RBFOX1: variants seen among roughly 807,000 people sequenced by gnomAD.
RBFOX1 encodes RNA binding fox-1 homolog 1.
In RBFOX1, 8 loss-of-function variants were observed where a neutral mutation model predicts 57.7. The observed-to-expected ratio is 0.14, with a 90% CI of 0.08 to 0.25. The LOEUF (loss-of-function observed/expected upper bound fraction) is 0.25. Ranked by LOEUF, RBFOX1 falls within the 10% of genes least tolerant of loss-of-function variation. The probability of loss-of-function intolerance (pLI) is 1.00; values close to 1 mark genes in which losing one functional copy is unlikely to be tolerated. For synonymous variants in RBFOX1, 326 were observed against 222.4 expected, an observed-to-expected ratio of 1.47 and a Z score of -4.15; for missense variants, 611 against 548.5, an observed-to-expected ratio of 1.11 and a Z score of -1.14.
intron 2 of RBFOX1, among the ~76,000 whole-genome samples, chr16:6,542,483 C>CTTTTTGTTTTTTTTTTTT (rs2096835148): frequency 1.8e-5 from 1 of 55,720 alleles, no homozygotes. Flanking sequence ...GGACCATAGT[C>CTTTTTGTTTTTTTTTTTT]TTTTTTTTTT....
chr16:7,540,796 T>C (rs988599253), intron 5 of RBFOX1, among the ~76,000 whole-genome samples: 13 of 152,210 alleles, frequency 8.5e-5, no homozygotes, highest in African/African-American at 3.1e-4. Context: ...GCTAGGCTTG[T>C]AGGAATGTTT....
intron 2 of RBFOX1, among the ~76,000 whole-genome samples, chr16:6,618,176 C>G (rs1349233099): frequency 1.3e-5 from 2 of 152,178 alleles, no homozygotes; most frequent in Admixed American, 6.5e-5. Context: ...TTGGGTCTGA[C>G]TCTCCAGTTC....
intron 4 of RBFOX1, among the ~76,000 whole-genome samples, chr16:5,928,099 T>A (rs1443670235): frequency 6.6e-6 from 1 of 152,170 alleles, no homozygotes; most frequent in Non-Finnish European, 1.5e-5. Context: ...TATTTATTTA[T>A]TTTTTATTTT....
At chr16:6,733,283 T>G (rs2069148262) in intron 3 of RBFOX1, among the ~76,000 whole-genome samples, 1 of 152,124 alleles carries the variant, frequency 6.6e-6, no homozygotes, top group Non-Finnish European at 1.5e-5. Context: ...GAAACAAATA[T>G]GACTTGGGAT....
chr16:5,741,744 A>G (rs933530633), intron 3 of RBFOX1, among the ~76,000 whole-genome samples: 23 of 152,240 alleles, frequency 1.5e-4, no homozygotes, highest in African/African-American at 4.8e-4. Context: ...AGCTTCCACA[A>G]GGACGTATTT....
At chr16:5,641,056 A>G (rs925831382) in intron 3 of RBFOX1, among the ~76,000 whole-genome samples, 1 of 151,022 alleles carries the variant, frequency 6.6e-6, no homozygotes, top group African/African-American at 2.5e-5. Context: ...ATATGCACAT[A>G]CACCCATGCA....
rs1225532333 is a variant in RBFOX1, at chr16:5,526,089, C to T, written c.258+58835C>T. On this transcript the variant is annotated intron_variant, in intron 2 of 2. Transcript: ENST00000585867. ...GCAGTGCATGTGTAGACAGTACCAGCCCCTCTCTTTTATTTTCTCAGCCTC... is the reference window on the plus strand; with the variant it reads ...GCAGTGCATGTGTAGACAGTACCAGTCCCTCTCTTTTATTTTCTCAGCCTC... Among the ~76,000 whole-genome samples, 3 of 151,966 alleles carry T rather than the reference C, an allele frequency of 2.0e-5. No homozygotes were observed. The South Asian group carries it at 6.2e-4, about 31-fold the overall frequency.
At chr16:7,595,135 G>C (rs560745312) in intron 7 of RBFOX1, among the ~76,000 whole-genome samples, 1 of 152,118 alleles carries the variant, frequency 6.6e-6, no homozygotes, top group Admixed American at 6.5e-5. Context: ...GTTGAATTTC[G>C]TGCACACGTT....
At chr16:7,365,073 C>A (rs755632015) in intron 4 of RBFOX1, among the ~76,000 whole-genome samples, 34 of 151,998 alleles carry the variant, frequency 2.2e-4, no homozygotes, top group Middle Eastern at 3.4e-3. Context: ...TATCATTCGT[C>A]TATCTATCTA....
chr16:6,823,247 TTTC>T (rs2091618161), intron 3 of RBFOX1, among the ~76,000 whole-genome samples: 1 of 151,766 alleles, frequency 6.6e-6, no homozygotes, highest in East Asian at 1.9e-4. Flanking sequence ...ATTGTTTTGT[TTTC>T]TTTTTTTTTT....
At chr16:7,320,762 C>G (rs902830974) in intron 4 of RBFOX1, among the ~76,000 whole-genome samples, 1 of 152,250 alleles carries the variant, frequency 6.6e-6, no homozygotes, top group African/African-American at 2.4e-5. Flanking sequence ...CAAACACTTA[C>G]AAATGGGTGC....
intron 3 of RBFOX1, among the ~76,000 whole-genome samples, chr16:5,726,222 G>A (rs1450154804): frequency 6.6e-6 from 1 of 151,796 alleles, no homozygotes; most frequent in East Asian, 1.9e-4. Flanking sequence ...TAGATCAGAT[G>A]CCTCCCCGAA....
intron 2 of RBFOX1, among the ~76,000 whole-genome samples, chr16:5,596,182 A>G (rs754110876): frequency 1.2e-4 from 18 of 152,202 alleles, no homozygotes; most frequent in Non-Finnish European, 2.2e-4. Context: ...GCAGCTGGAT[A>G]GGAATTTCAT....
At chr16:6,971,143 T>G (rs4786955) in intron 3 of RBFOX1, among the ~76,000 whole-genome samples, 152,207 of 152,268 alleles carry the variant, frequency 1, 76,073 homozygotes, top group Middle Eastern at 1. Context: ...ATTGAGTGGG[T>G]CTACTAATAC....
rs548370063 is a variant in RBFOX1 at position 7,532,023 on chromosome 16, A to G, written c.270+13634A>G. On this transcript the variant is annotated intron_variant, in intron 5 of 15. Transcript: ENST00000550418. ...AGAAACTTGCTACAAGGAAATTGCTATAATTATAACCCAAATTGTATTTGA... is the reference window on the plus strand; with the variant it reads ...AGAAACTTGCTACAAGGAAATTGCTGTAATTATAACCCAAATTGTATTTGA... 4.6e-5 allele frequency among the ~76,000 whole-genome samples: 7 copies of G among 152,306 alleles called. 1 individual carries two copies. The highest frequency in any genetic ancestry group is 1.4e-4 in the African/African-American group (6 of 41,564).
intron 1 of RBFOX1, among the ~76,000 whole-genome samples, chr16:5,315,248 C>T (rs9935594): frequency 0.24 from 37,135 of 151,982 alleles, 5,159 homozygotes; most frequent in African/African-American, 0.38. Context: ...TGCTGTGGGA[C>T]GGGGGAGGAG....
intron 4 of RBFOX1, among the ~76,000 whole-genome samples, chr16:5,891,129 C>G (rs1330468830): frequency 6.6e-6 from 1 of 152,194 alleles, no homozygotes; most frequent in African/African-American, 2.4e-5. Flanking sequence ...GCACAGAAGT[C>G]AGTTCTGCCT....
intron 3 of RBFOX1, among the ~76,000 whole-genome samples, chr16:6,838,551 G>C (rs987873886): frequency 6.6e-6 from 1 of 152,166 alleles, no homozygotes; most frequent in East Asian, 1.9e-4. Context: ...CTGCTACTCT[G>C]CACACACTGC....
intron 4 of RBFOX1, among the ~76,000 whole-genome samples, chr16:7,147,714 T>C (rs1014916703): frequency 6.6e-6 from 1 of 152,184 alleles, no homozygotes; most frequent in African/African-American, 2.4e-5. Flanking sequence ...TTATCCTATC[T>C]GCCATTGATG....
Sources: allele counts gnomAD v4.1 joint callset (sites outside exome capture counted in the v4.1 genomes callset), GRCh38; gene constraint gnomAD v4.1.1; transcripts MANE v1.5; gene names NCBI Gene and HGNC (gene_info 2026-07-23, HGNC 2026-07-21).